DLEU7: variants seen among roughly 807,000 people sequenced by gnomAD.
DLEU7 encodes leukemia-associated protein 7.
A neutral mutation model predicts 16.0 loss-of-function variants in DLEU7; 17 were observed. That is an observed-to-expected ratio of 1.06 (90% CI 0.73 to 1.59). The LOEUF (loss-of-function observed/expected upper bound fraction) is 1.59, where lower values mean the gene tolerates loss of function less well. Ranked by LOEUF, DLEU7 falls within the 40% of genes most tolerant of loss-of-function variation. DLEU7 has a pLI of 0.00. For synonymous variants in DLEU7, 113 were observed against 139.8 expected (o/e 0.81, Z 1.35); for missense variants, 308 against 314.9 (o/e 0.98, Z 0.17).
At chr13:50,782,712 G>A (rs1213000843) in intron 1 of DLEU7, among the ~76,000 whole-genome samples, 1 of 150,950 alleles carries the variant, frequency 6.6e-6, no homozygotes, top group Admixed American at 6.6e-5. Context: ...ATATTGCACA[G>A]GACTCAAAAT....
chr13:50,751,546 A>G (rs928922701), intron 1 of DLEU7, among the ~76,000 whole-genome samples: 2 of 152,176 alleles, frequency 1.3e-5, no homozygotes, highest in African/African-American at 4.8e-5. Context: ...GAATTCTGCT[A>G]TGAATCCGCC....
At chr13:50,836,191 CT>C (rs1877454353) in intron 1 of DLEU7, among the ~76,000 whole-genome samples, 1 of 152,212 alleles carries the variant, frequency 6.6e-6, no homozygotes, top group Non-Finnish European at 1.5e-5. Context: ...GAGCTTTATT[CT>C]CTTACACTGG....
chr13:50,774,405 A>G (rs1875431119), intron 1 of DLEU7, among the ~76,000 whole-genome samples: 1 of 152,098 alleles, frequency 6.6e-6, no homozygotes. Context: ...CTTGGAATGG[A>G]TCCTCCATTC....
At chr13:50,738,198 G>A (rs2137722592) in intron 1 of DLEU7, among the ~76,000 whole-genome samples, 1 of 152,272 alleles carries the variant, frequency 6.6e-6, no homozygotes, top group South Asian at 2.1e-4. Flanking sequence ...TTTAATAGAT[G>A]AAGCAGTATA....
At chr13:50,725,301 C>T (rs538408866) in intron 1 of DLEU7, among the ~76,000 whole-genome samples, 61 of 152,200 alleles carry the variant, frequency 4.0e-4, no homozygotes, top group Non-Finnish European at 7.3e-4. Context: ...TAGGAAATCC[C>T]TGAAATCTCT....
chr13:50,815,030 G>A (rs143501495), intron 1 of DLEU7, among the ~76,000 whole-genome samples: 1 of 151,828 alleles, frequency 6.6e-6, no homozygotes, highest in Admixed American at 6.6e-5. Context: ...GTAAAAAATG[G>A]AGATATAGTT....
chr13:50,760,226 C>A (rs1326844293), intron 1 of DLEU7, among the ~76,000 whole-genome samples: 1 of 152,206 alleles, frequency 6.6e-6, no homozygotes, highest in African/African-American at 2.4e-5. Flanking sequence ...TTAGCAATCA[C>A]AGTTAAGGAT....
chr13:50,817,714 C>T (rs1876774237), intron 1 of DLEU7, among the ~76,000 whole-genome samples: 1 of 152,072 alleles, frequency 6.6e-6, no homozygotes, highest in African/African-American at 2.4e-5. Flanking sequence ...CTGTCAGAAG[C>T]AAGTGTCCAG....
chr13:50,739,847 T>G (rs1477237091), intron 1 of DLEU7, among the ~76,000 whole-genome samples: 1 of 152,114 alleles, frequency 6.6e-6, no homozygotes, highest in Non-Finnish European at 1.5e-5. Context: ...GCCAAATGCT[T>G]AGATACATAA....
intron 1 of DLEU7, among the ~76,000 whole-genome samples, chr13:50,736,981 C>G (rs1053003453): frequency 6.6e-6 from 1 of 152,018 alleles, no homozygotes; most frequent in Non-Finnish European, 1.5e-5. Context: ...ATCTGAATAG[C>G]GCAATATCAT....
intron 1 of DLEU7, among the ~76,000 whole-genome samples, chr13:50,833,630 G>T (rs2137811518): frequency 6.6e-6 from 1 of 152,278 alleles, no homozygotes; most frequent in African/African-American, 2.4e-5. Context: ...GTAATTTATA[G>T]ATTCAATGCT....
chr13:50,751,824 C>G (rs1874573160), intron 1 of DLEU7, among the ~76,000 whole-genome samples: 2 of 152,130 alleles, frequency 1.3e-5, no homozygotes, highest in African/African-American at 4.8e-5. Flanking sequence ...TTTCTCTCTT[C>G]TTTTCTTGGT....
At chr13:50,800,016 A>C (rs1428400151) in intron 1 of DLEU7, among the ~76,000 whole-genome samples, 2 of 152,190 alleles carry the variant, frequency 1.3e-5, no homozygotes, top group African/African-American at 4.8e-5. Context: ...CCTGTGAAGA[A>C]AGATTGGCAA....
rs1409308135 is a variant in DLEU7 at position 50,726,815 on chromosome 13, C to T, written c.460-13575G>A. On this transcript the variant is annotated intron_variant, in intron 1 of 1. Transcript: ENST00000400393. This position sits in a 1 kb window ranked among gnomAD's most constrained non-coding sequence, Gnocchi z 4.0. ...GGGCCTCAGGAAATGAAGATGGAAC[C>T]AGCTCCACTCATAACTGAGCCTGGA... 3.3e-5 allele frequency among the ~76,000 whole-genome samples: 5 copies of T among 152,136 alleles called. No homozygotes were observed. The highest frequency in any genetic ancestry group is 7.2e-5 in the African/African-American group (3 of 41,432).
At chr13:50,802,105 G>T (rs1033681824) in intron 1 of DLEU7, among the ~76,000 whole-genome samples, 1 of 109,736 alleles carries the variant, frequency 9.1e-6, no homozygotes, top group African/African-American at 3.5e-5. Context: ...AATGAACAAG[G>T]GAGCCTCTAT....
chr13:50,752,052 C>CTTTTTTTTTTTTTTTTTTT (rs200928092), intron 1 of DLEU7, among the ~76,000 whole-genome samples: 1 of 135,738 alleles, frequency 7.4e-6, no homozygotes, highest in African/African-American at 2.8e-5. Context: ...CTCTTTCAGT[C>CTTTTTTTTTTTTTTTTTTT]TTTTTTTTTT....
chr13:50,832,766 T>A (rs1877321748), intron 1 of DLEU7, among the ~76,000 whole-genome samples: 1 of 152,228 alleles, frequency 6.6e-6, no homozygotes, highest in African/African-American at 2.4e-5. Flanking sequence ...AGCCAGTTGT[T>A]CAGTTTCCAT....
At chr13:50,801,692 A>T (rs1253540868) in intron 1 of DLEU7, among the ~76,000 whole-genome samples, 1 of 152,070 alleles carries the variant, frequency 6.6e-6, no homozygotes, top group African/African-American at 2.4e-5. Context: ...CTCTGATCCA[A>T]CATTGAGACC....
chr13:50,809,939 A>G (rs919542717), intron 1 of DLEU7, among the ~76,000 whole-genome samples: 2 of 152,140 alleles, frequency 1.3e-5, no homozygotes, highest in African/African-American at 2.4e-5. Context: ...TGTTTGTGAC[A>G]CAGTGTCACA....
Sources: allele counts gnomAD v4.1 joint callset (sites outside exome capture counted in the v4.1 genomes callset), GRCh38; gene constraint gnomAD v4.1.1; non-coding constraint Gnocchi (gnomAD v3.1); transcripts MANE v1.5; gene names NCBI Gene and HGNC (gene_info 2026-07-23, HGNC 2026-07-21).